PDXDC1: variants seen among roughly 807,000 people sequenced by gnomAD.
The protein encoded by PDXDC1 is pyridoxal-dependent decarboxylase domain-containing protein 1.
Under a neutral mutation model 100.1 loss-of-function variants are expected in PDXDC1, and 42 were observed. The observed-to-expected ratio is 0.42, with a 90% CI of 0.33 to 0.54. The LOEUF is 0.54. PDXDC1 is among the 20% of genes least tolerant of loss of function. The pLI is 0.10. For missense variants in PDXDC1, 636 were observed against 979.2 expected, an observed-to-expected ratio of 0.65 and a Z score of 4.68; for synonymous variants, 260 against 371.7, an observed-to-expected ratio of 0.70 and a Z score of 3.46.
At chr16:15,054,793 T>C (rs1426051410) in intron 16 of PDXDC1, among the ~76,000 whole-genome samples, 1 of 152,204 alleles carries the variant, frequency 6.6e-6, no homozygotes, top group Non-Finnish European at 1.5e-5. Flanking sequence ...ACTACTCTTA[T>C]CTGCCTTCAG....
intron 16 of PDXDC1, chr16:15,055,635 C>T (rs2044479112): frequency 5.9e-6 from 2 of 337,704 alleles, no homozygotes; most frequent in African/African-American, 2.1e-5. Context: ...TGCTGTGCGA[C>T]CTTGGGCAAG....
chr16:15,125,317 C>T (rs1441819259), intron 16 of PDXDC1: 2 of 696,148 alleles, frequency 2.9e-6, no homozygotes, highest in Non-Finnish European at 5.0e-6. Flanking sequence ...GGAGGGCCAG[C>T]ACACCAGACT....
At chr16:15,050,249 A>G (rs956941789) in intron 16 of PDXDC1, among the ~76,000 whole-genome samples, 27 of 152,256 alleles carry the variant, frequency 1.8e-4, no homozygotes, top group African/African-American at 6.5e-4. Context: ...AATTGATACA[A>G]CACTACAATG....
At chr16:15,043,325 C>T (rs1274213563), downstream of PDXDC1, among the ~76,000 whole-genome samples, 3 of 152,178 alleles carry the variant, frequency 2.0e-5, no homozygotes, top group African/African-American at 7.2e-5. Context: ...CATGAGCCAC[C>T]GTGCCCGGCC....
intron 16 of PDXDC1, chr16:15,094,140 C>A: frequency 6.3e-6 from 10 of 1,593,278 alleles, no homozygotes; most frequent in Non-Finnish European, 8.5e-6. Context: ...CGGCCTGAAT[C>A]TTACCCAGTC....
rs1371834007 is a variant in PDXDC1, at chr16:15,062,744, A to G, written c.1399+32688A>G. Among the ~76,000 whole-genome samples the G allele has an allele frequency of 5.9e-5, 9 of 152,364 alleles. No homozygotes were observed. The East Asian group carries it at 1.7e-3, about 29-fold the overall frequency. ...TTTGTAATTAACCTTCGCTTCTCACATGTCAGTATGTGAAGTGTCTGGTTT... is the reference window on the plus strand; with the variant it reads ...TTTGTAATTAACCTTCGCTTCTCACGTGTCAGTATGTGAAGTGTCTGGTTT... On this transcript the variant is annotated intron_variant, in intron 16 of 16. Transcript: ENST00000535621.
At chr16:14,984,148 T>TGA (rs1968671424) in intron 1 of PDXDC1, among the ~76,000 whole-genome samples, 2 of 151,898 alleles carry the variant, frequency 1.3e-5, no homozygotes, top group South Asian at 4.1e-4. Flanking sequence ...GGTGACAGAG[T>TGA]GAGACCCTGT....
At chr16:15,148,370 A>ATTTTTTTTTTT in the PDXDC1 span, among the ~76,000 whole-genome samples, 37 of 34,118 alleles carry the variant, frequency 1.1e-3, 9 homozygotes, top group African/African-American at 3.8e-3. Flanking sequence ...AGATCCTGTG[A>ATTTTTTTTTTT]TTTTTTTTTT....
At chr16:14,992,475 G>C (rs967343130) in intron 1 of PDXDC1, among the ~76,000 whole-genome samples, 1 of 152,284 alleles carries the variant, frequency 6.6e-6, no homozygotes, top group African/African-American at 2.4e-5. Context: ...AGCATCACCA[G>C]CTGACTCAGG....
intron 1 of PDXDC1, chr16:14,989,131 G>C: frequency 1.9e-6 from 3 of 1,614,276 alleles, no homozygotes; most frequent in Non-Finnish European, 1.7e-6. Context: ...TCCACTCCTG[G>C]GCTGAAGAGC....
chr16:14,975,762 C>T (rs1214699207), intron 1 of PDXDC1: 1 of 857,812 alleles, frequency 1.2e-6, no homozygotes, highest in Non-Finnish European at 1.4e-6. Context: ...GTCAGAACCT[C>T]TGGGGGCGGG....
At chr16:15,001,668 A>G in intron 3 of PDXDC1, 108 bp from the exon 4 acceptor site, 1 of 915,244 alleles carries the variant, frequency 1.1e-6, no homozygotes, top group East Asian at 2.9e-5. Context: ...TTGCTTAAGA[A>G]AGAAAAAAAA....
intron 19 of PDXDC1, chr16:15,033,963 C>T (rs968795144): frequency 2.2e-5 from 10 of 462,552 alleles, no homozygotes; most frequent in East Asian, 1.9e-4. Flanking sequence ...GAGAGAGACA[C>T]GAGCCATTGG....
Position 15,032,847 on chromosome 16 carries a change from T to G in PDXDC1, c.1572-14T>G. The G allele has an allele frequency of 7.4e-7, 1 of 1,344,482 alleles. No individual in the cohort carries two copies. The highest frequency in any genetic ancestry group is 1.1e-6 in the Non-Finnish European group (1 of 934,098). 83.3% of individuals were successfully genotyped at this position (1,344,482 alleles called of 1,614,324 possible). A position where few individuals can be genotyped will look rare whatever the true frequency, so the allele number is the denominator to read the frequency against. On this transcript the variant is annotated splice_polypyrimidine_tract_variant and intron_variant, in intron 17 of 22. Coordinates refer to ENST00000396410, the MANE Select transcript of PDXDC1 (RefSeq NM_015027.4). Reference sequence around the variant, plus strand: ...TCTTTTAAGCTGAAATGCTGTGGTTTGATGTTGTTTTAGGTATGAACATGC... The same window carrying G: ...TCTTTTAAGCTGAAATGCTGTGGTTGGATGTTGTTTTAGGTATGAACATGC...
intron 16 of PDXDC1, chr16:15,084,697 C>G: frequency 6.2e-7 from 1 of 1,612,376 alleles, no homozygotes; most frequent in Non-Finnish European, 8.5e-7. Flanking sequence ...TCAAAATTTG[C>G]AGGAAGATCT....
intron 16 of PDXDC1, among the ~76,000 whole-genome samples, chr16:15,046,395 T>G (rs934112511): frequency 1.3e-5 from 2 of 152,088 alleles, no homozygotes; most frequent in African/African-American, 4.8e-5. Context: ...AGGGGACAGG[T>G]GTGTGAACAG....
chr16:14,974,894 G>A (rs1966541663), upstream of PDXDC1: 1 of 1,535,472 alleles, frequency 6.5e-7, no homozygotes, highest in Non-Finnish European at 8.7e-7. Context: ...CAGGCTGCTG[G>A]AAAGAGTTTG....
At chr16:15,086,420 C>A in intron 16 of PDXDC1, 1 of 1,613,452 alleles carries the variant, frequency 6.2e-7, no homozygotes, top group Non-Finnish European at 8.5e-7. Flanking sequence ...GATAGAAGAA[C>A]GGAATTCTAG....
intron 16 of PDXDC1, chr16:15,093,840 G>C (rs1567232594): frequency 9.4e-6 from 4 of 427,022 alleles, no homozygotes; most frequent in Non-Finnish European, 1.2e-5. Flanking sequence ...AAATTTGGAC[G>C]AAGAAGAGGG....
Sources: allele counts gnomAD v4.1 joint callset (sites outside exome capture counted in the v4.1 genomes callset), GRCh38; gene constraint gnomAD v4.1.1; transcripts MANE v1.5; gene names NCBI Gene and HGNC (gene_info 2026-07-23, HGNC 2026-07-21).